The following NUDT16L1 variants were observed in gnomAD, a reference collection of about 807,000 sequenced individuals.
The protein encoded by NUDT16L1 is tudor-interacting repair regulator protein.
Under a neutral mutation model 17.3 loss-of-function variants are expected in NUDT16L1, and 19 were observed. The observed-to-expected ratio is 1.10, with a 90% CI of 0.77 to 1.61. NUDT16L1 has a LOEUF of 1.61. Ranked by LOEUF, NUDT16L1 falls within the 40% of genes most tolerant of loss-of-function variation. The pLI, the probability that NUDT16L1 is intolerant of heterozygous loss-of-function variation, is 0.00. For synonymous variants in NUDT16L1, 255 were observed against 138.6 expected, an observed-to-expected ratio of 1.84 and a Z score of -5.90; for missense variants, 341 against 292.0, an observed-to-expected ratio of 1.17 and a Z score of -1.22.
At position 4,695,211 on chromosome 16, in the gene NUDT16L1, G is replaced by A. The variant is rs773889013; in HGVS notation, c.*32G>A. The A allele has an allele frequency of 4.4e-6, 7 of 1,600,158 alleles. No homozygotes were observed. The African/African-American group carries it at 9.4e-5, about 21-fold the overall frequency. ...CCTGAGCTGGTGGCACCCTCCCCTG[G>A]GCCGGAAGACTGGGAATTCCTGCTA... is the stretch of plus-strand genomic sequence containing the variant. On this transcript the variant is annotated 3_prime_UTR_variant, in exon 3 of 3. Transcript: ENST00000304301.
chr16:4,695,290 G>C, exon 3 of NUDT16L1: 1 of 1,099,340 alleles, frequency 9.1e-7, no homozygotes, highest in South Asian at 1.5e-5. Flanking sequence ...CCTAGGGCGA[G>C]TGGGCATCCT....
At chr16:4,694,503 G>C in intron 2 of NUDT16L1, 1 of 1,509,698 alleles carries the variant, frequency 6.6e-7, no homozygotes, top group Middle Eastern at 1.7e-4. Context: ...GAGTGGGGGA[G>C]TGGGATCGGT....
intron 2 of NUDT16L1, 177 bp from the exon 3 acceptor site, chr16:4,694,781 G>A: frequency 7.0e-7 from 1 of 1,437,086 alleles, no homozygotes; most frequent in African/African-American, 1.4e-5. Context: ...GGGGAGGAGG[G>A]GGCTGCACTG....
In NUDT16L1 at chr16:4,694,194, G is replaced by A. The variant is rs752963189; in HGVS notation, c.370G>A (p.Ala124Thr). The change falls in exon 2 of 3, where the codon GCC (alanine) becomes ACC (threonine). Residue 124 changes from alanine to threonine, a missense_variant. By Grantham distance (58) the Ala-to-Thr change is moderately conservative. Transcript: ENST00000304301. ...GCAGCTGACGCTGGAGCAGCTGCAC[G>A]CCGTGGAGATCAGCGCGGTGCACTC... 67 of 1,561,180 alleles carry A rather than the reference G, an allele frequency of 4.3e-5. No individual in the cohort carries two copies. The highest frequency in any genetic ancestry group is 7.2e-5 in the Admixed American group (4 of 55,340).
At chr16:4,695,572 C>T (rs763349567) in exon 3 of NUDT16L1, 1 of 450,666 alleles carries the variant, frequency 2.2e-6, no homozygotes, top group Non-Finnish European at 3.9e-6. Context: ...GATGCCTTGT[C>T]TCGGTCAGCT....
At chr16:4,695,537 C>G (rs1289691227) in exon 3 of NUDT16L1, 2 of 470,170 alleles carry the variant, frequency 4.3e-6, no homozygotes, top group Non-Finnish European at 7.5e-6. Context: ...TGGGACCACT[C>G]AGAAGATGGG....
chr16:4,694,392 G>A, intron 2 of NUDT16L1, 154 bp downstream of exon 2: 1 of 1,486,456 alleles, frequency 6.7e-7, no homozygotes, highest in Non-Finnish European at 8.9e-7. Context: ...GGGGTCTGGG[G>A]CTGGGAGGCC....
chr16:4,693,585 G>A (rs945398976), upstream of NUDT16L1: 58 of 960,332 alleles, frequency 6.0e-5, no homozygotes, highest in Admixed American at 1.1e-3. Flanking sequence ...GGCGCTGCGA[G>A]GGGCTCGGTC....
chr16:4,695,477 G>T lies in NUDT16L1; in HGVS notation c.*298G>T, dbSNP rs1181428682. ...TCCTCTTGTACGTCTCATCACAGCT[G>T]GTAGAGACCCAGGAGTGCCTGATTG... On this transcript the variant is annotated 3_prime_UTR_variant, in exon 3 of 3. Transcript: ENST00000304301. The T allele has an allele frequency of 1.0e-5, 6 of 574,770 alleles. No homozygotes were observed. In the East Asian group the frequency reaches 1.7e-4, roughly 16 times the overall value. The allele number at this position is 574,770 out of a possible 1,614,324, so 35.6% of individuals were successfully genotyped here.
chr16:4,695,635 G>C (rs1312202342), exon 3 of NUDT16L1: 5 of 417,148 alleles, frequency 1.2e-5, no homozygotes, highest in Non-Finnish European at 2.1e-5. Context: ...AGCCAGCTTG[G>C]GGTAGGAAGT....
chr16:4,695,492 G>C (rs1202486163), exon 3 of NUDT16L1: 1 of 557,972 alleles, frequency 1.8e-6, no homozygotes, highest in Non-Finnish European at 3.2e-6. Flanking sequence ...AGACCCAGGA[G>C]TGCCTGATTG....
chr16:4,693,887 CGGGCGA>C lies in NUDT16L1; in HGVS notation c.153+14_153+19del, dbSNP rs754369739. On this transcript the variant is annotated intron_variant, in intron 1 of 2. Transcript: ENST00000304301. ...ATGCGCTTCTCGGTGCTGGTGAGGA[CGGGCGA>C]GGGCGCGGGCGAGGGTGCCGGCGCG... 1 of 1,501,162 alleles carries C rather than the reference CGGGCGA, an allele frequency of 6.7e-7. No individual in the cohort carries two copies. The highest frequency in any genetic ancestry group is 8.8e-7 in the Non-Finnish European group (1 of 1,134,442). 93.0% of individuals were successfully genotyped at this position (1,501,162 alleles called of 1,614,324 possible). A position where few individuals can be genotyped will look rare whatever the true frequency, so the allele number is the denominator to read the frequency against.
intron 2 of NUDT16L1, chr16:4,694,750 G>A: frequency 2.1e-6 from 3 of 1,429,466 alleles, no homozygotes; most frequent in South Asian, 1.5e-5. Flanking sequence ...GAGTGCATGG[G>A]GTCAGCCTCC....
exon 3 of NUDT16L1, chr16:4,695,750 T>G (rs2079528518): frequency 5.0e-6 from 2 of 398,094 alleles, no homozygotes; most frequent in Non-Finnish European, 8.8e-6. Context: ...TCACCCCACG[T>G]GGCTTGGTTC....
exon 1 of NUDT16L1, chr16:4,693,789 G>C (rs531937294): frequency 6.4e-7 from 1 of 1,570,830 alleles, no homozygotes; most frequent in African/African-American, 1.4e-5. Context: ...TGCGCCTAGG[G>C]CCGGGCTGGA....
chr16:4,694,653 G>T, intron 2 of NUDT16L1: 1 of 1,421,658 alleles, frequency 7.0e-7, no homozygotes, highest in Middle Eastern at 1.8e-4. Context: ...GGAAGGGCTG[G>T]ACTGCGGGTG....
At chr16:4,694,363 C>T (rs1172051765) in intron 2 of NUDT16L1, 125 bp downstream of exon 2, 22 of 1,475,670 alleles carry the variant, frequency 1.5e-5, no homozygotes, top group Admixed American at 4.6e-5. Context: ...TCGCTGTCTC[C>T]AGCAATGGGG....
chr16:4,694,685 G>C, intron 2 of NUDT16L1: 2 of 1,423,026 alleles, frequency 1.4e-6, no homozygotes, highest in South Asian at 3.1e-5. Flanking sequence ...TTGGGTGGAC[G>C]GGGGGAGCAT....
chr16:4,693,750 G>C, exon 1 of NUDT16L1: 4 of 1,552,912 alleles, frequency 2.6e-6, no homozygotes, highest in Non-Finnish European at 3.5e-6. Context: ...CGGTTCCGGA[G>C]CTGAAGCAGA....
Sources: allele counts gnomAD v4.1 joint callset, GRCh38; gene constraint gnomAD v4.1.1; transcripts MANE v1.5; gene names NCBI Gene and HGNC (gene_info 2026-07-23, HGNC 2026-07-21).